NRXN1: variants seen among roughly 807,000 people sequenced by gnomAD.
NRXN1 encodes the protein neurexin 1, also known as neurexin-1.
A neutral mutation model predicts 150.9 loss-of-function variants in NRXN1; 39 were observed. The ratio of observed to expected loss-of-function variants is 0.26; its 90% confidence interval spans 0.20 to 0.34. The LOEUF is 0.34. Ranked by LOEUF, NRXN1 falls within the 10% of genes least tolerant of loss-of-function variation. The pLI, the probability that NRXN1 is intolerant of heterozygous loss-of-function variation, is 1.00. For missense variants in NRXN1, 1,815 were observed against 1,949.9 expected (o/e 0.93, Z 1.30); for synonymous variants, 924 against 757.0 (o/e 1.22, Z -3.62).
At chr2:50,792,274 G>A (rs1467984941) in intron 5 of NRXN1, among the ~76,000 whole-genome samples, 2 of 151,998 alleles carry the variant, frequency 1.3e-5, no homozygotes, top group Non-Finnish European at 2.9e-5. Context: ...ACCATTAATT[G>A]AATAATGGAA....
chr2:50,472,551 G>A, intron 15 of NRXN1, 80 bp from the exon 16 acceptor site: 2 of 1,113,448 alleles, frequency 1.8e-6, no homozygotes, highest in South Asian at 1.7e-5. Flanking sequence ...GAAAAAACAG[G>A]GAGGTTTATT....
At chr2:50,908,461 A>G (rs1292293902) in intron 5 of NRXN1, among the ~76,000 whole-genome samples, 4 of 151,932 alleles carry the variant, frequency 2.6e-5, no homozygotes, top group African/African-American at 7.2e-5. Flanking sequence ...CTTCCATTTT[A>G]CTATGCCTTG....
chr2:50,007,378 G>A (rs1684942010), intron 21 of NRXN1, among the ~76,000 whole-genome samples: 1 of 151,762 alleles, frequency 6.6e-6, no homozygotes, highest in Non-Finnish European at 1.5e-5. Context: ...TTTGACGTTT[G>A]AGGGGTCACC....
chr2:50,375,641 G>A (rs2080431559), intron 17 of NRXN1, among the ~76,000 whole-genome samples: 1 of 151,036 alleles, frequency 6.6e-6, no homozygotes, highest in African/African-American at 2.4e-5. Flanking sequence ...TATAGAAAAT[G>A]TAGTAAATTG....
chr2:50,639,003 CCAATGGTTCACCAT>C (rs1249471088), intron 5 of NRXN1, among the ~76,000 whole-genome samples: 1 of 151,944 alleles, frequency 6.6e-6, no homozygotes, highest in African/African-American at 2.4e-5. Flanking sequence ...TCATAATCCA[CCAATGGTTCACCAT>C]CCAAACTTTG....
At chr2:50,041,832 C>T (rs769279618) in intron 21 of NRXN1, among the ~76,000 whole-genome samples, 5 of 152,112 alleles carry the variant, frequency 3.3e-5, no homozygotes, top group Admixed American at 6.6e-5. Flanking sequence ...CACCTTGGTA[C>T]GGCACTATAA....
At chr2:50,086,301 C>G (rs1698765002) in intron 19 of NRXN1, among the ~76,000 whole-genome samples, 2 of 152,108 alleles carry the variant, frequency 1.3e-5, no homozygotes, top group Admixed American at 6.5e-5. Flanking sequence ...TTAGATTAAG[C>G]TACACTAAAG....
At chr2:50,391,004 T>C (rs553225953) in intron 17 of NRXN1, among the ~76,000 whole-genome samples, 1 of 152,282 alleles carries the variant, frequency 6.6e-6, no homozygotes, top group Non-Finnish European at 1.5e-5. Context: ...GTTGATGTCA[T>C]TTATTCTAAT....
chr2:50,855,058 C>A (rs1269946149), intron 5 of NRXN1, among the ~76,000 whole-genome samples: 2 of 151,874 alleles, frequency 1.3e-5, no homozygotes, highest in Admixed American at 6.6e-5. Flanking sequence ...TCTAGACACA[C>A]CGGGGTTGAG....
At chr2:50,425,141 C>A (rs1333966323) in intron 17 of NRXN1, among the ~76,000 whole-genome samples, 1 of 152,160 alleles carries the variant, frequency 6.6e-6, no homozygotes, top group Non-Finnish European at 1.5e-5. Flanking sequence ...GCAACTGACT[C>A]CTGAACTCTT....
chr2:50,859,832 T>TGTTTG (rs1675849890), intron 5 of NRXN1, among the ~76,000 whole-genome samples: 1 of 91,022 alleles, frequency 1.1e-5, no homozygotes, highest in African/African-American at 3.7e-5. Flanking sequence ...ACACACACAA[T>TGTTTG]TATGTTTGTG....
At chr2:50,677,366 T>C (rs1689702820) in intron 5 of NRXN1, among the ~76,000 whole-genome samples, 1 of 152,132 alleles carries the variant, frequency 6.6e-6, no homozygotes. Flanking sequence ...GATAAGTCAG[T>C]GGTATTTTAA....
At chr2:50,573,051 A>C (rs1007268568) in intron 8 of NRXN1, among the ~76,000 whole-genome samples, 2 of 152,156 alleles carry the variant, frequency 1.3e-5, no homozygotes, top group South Asian at 4.1e-4. Context: ...CGGTGAGTTA[A>C]AAATGCATTA....
intron 2 of NRXN1, among the ~76,000 whole-genome samples, chr2:50,984,228 A>G (rs1047155083): frequency 3.7e-5 from 5 of 133,820 alleles, no homozygotes; most frequent in African/African-American, 1.1e-4. Flanking sequence ...CAGGTGATCC[A>G]CCCACGTCGG....
At chr2:50,749,132 T>C (rs571714069) in intron 5 of NRXN1, among the ~76,000 whole-genome samples, 1 of 152,154 alleles carries the variant, frequency 6.6e-6, no homozygotes, top group South Asian at 2.1e-4. Context: ...AGAAAACCTA[T>C]TTTGTTTTTG....
intron 21 of NRXN1, among the ~76,000 whole-genome samples, chr2:49,954,208 T>C (rs865836307): frequency 5.0e-5 from 7 of 141,302 alleles, no homozygotes; most frequent in Middle Eastern, 3.3e-3. Context: ...CACTAGCCCC[T>C]CACACAGATG....
chr2:50,768,754 G>A (rs575078704), intron 5 of NRXN1, among the ~76,000 whole-genome samples: 1 of 151,818 alleles, frequency 6.6e-6, no homozygotes, highest in African/African-American at 2.4e-5. Context: ...AAATCACCAC[G>A]AAGTTCATAC....
intron 21 of NRXN1, among the ~76,000 whole-genome samples, chr2:49,981,683 G>C (rs1287680905): frequency 1.3e-5 from 2 of 152,086 alleles, no homozygotes. Context: ...CACATGGAGT[G>C]AATGTTGCCT....
intron 21 of NRXN1, among the ~76,000 whole-genome samples, chr2:49,991,689 G>A (rs975335320): frequency 5.3e-5 from 8 of 152,108 alleles, no homozygotes; most frequent in African/African-American, 1.2e-4. Flanking sequence ...TAGCTTCAAT[G>A]CAATCCCAAT....
Sources: allele counts gnomAD v4.1 joint callset (sites outside exome capture counted in the v4.1 genomes callset), GRCh38; gene constraint gnomAD v4.1.1; transcripts MANE v1.5; gene names NCBI Gene and HGNC (gene_info 2026-07-23, HGNC 2026-07-21).